ZNF804A: variants seen among roughly 807,000 people sequenced by gnomAD.
The protein encoded by ZNF804A is zinc finger protein 804A.
ZNF804A carries 2 observed loss-of-function variants against 16.5 expected under a neutral mutation model. The ratio of observed to expected loss-of-function variants is 0.12; its 90% CI spans 0.05 to 0.38. ZNF804A has a LOEUF of 0.38. ZNF804A is among the 10% of genes least tolerant of loss of function. ZNF804A has a pLI of 0.99. For synonymous variants in ZNF804A, 534 were observed against 489.6 expected, an observed-to-expected ratio of 1.09 and a Z score of -1.20; for missense variants, 1,473 against 1,390.7, an observed-to-expected ratio of 1.06 and a Z score of -0.94.
intron 1 of ZNF804A, among the ~76,000 whole-genome samples, chr2:184,657,207 T>A (rs1278807055): frequency 2.6e-5 from 4 of 152,150 alleles, no homozygotes; most frequent in African/African-American, 7.2e-5. Context: ...CACTTCAGAC[T>A]TCCTAGTAGC....
chr2:184,630,864 T>A (rs547873785), intron 1 of ZNF804A, among the ~76,000 whole-genome samples: 393 of 151,070 alleles, frequency 2.6e-3, no homozygotes, highest in African/African-American at 4.3e-3. Flanking sequence ...TCTGTCATTT[T>A]AAAAAAAAAT....
At chr2:184,599,165 T>C (rs898662411) in intron 1 of ZNF804A, 95 bp downstream of exon 1, 3 of 1,019,180 alleles carry the variant, frequency 2.9e-6, no homozygotes, top group Admixed American at 2.1e-5. Context: ...GTTTGGTTTA[T>C]AATTTACTCA....
intron 1 of ZNF804A, among the ~76,000 whole-genome samples, chr2:184,809,475 AT>A (rs1694859432): frequency 6.6e-6 from 1 of 151,854 alleles, no homozygotes; most frequent in Non-Finnish European, 1.5e-5. Flanking sequence ...TTGCATGTGT[AT>A]TTAGAAAATT....
At chr2:184,837,098 C>T (rs994089880) in intron 1 of ZNF804A, among the ~76,000 whole-genome samples, 2 of 152,048 alleles carry the variant, frequency 1.3e-5, no homozygotes, top group Non-Finnish European at 2.9e-5. Context: ...CCCTCCTGTG[C>T]TGCAATGAAT....
rs1030482673 is a variant in ZNF804A at position 184,892,175 on chromosome 2, A to G, written c.255+25663A>G. Among the ~76,000 whole-genome samples, 4 of 152,168 alleles carry G rather than the reference A, an allele frequency of 2.6e-5. No individual in the cohort carries two copies. In the East Asian group the frequency reaches 7.7e-4, roughly 29 times the overall value. ...TTCCACACTAATTTTGCTCTTTTCAATGAGATTCTATTACAAAGAATATTA... is the reference window on the plus strand; with the variant it reads ...TTCCACACTAATTTTGCTCTTTTCAGTGAGATTCTATTACAAAGAATATTA... On this transcript the variant is annotated intron_variant, in intron 2 of 3. Transcript: ENST00000302277.
chr2:184,707,990 T>C (rs1693059510), intron 1 of ZNF804A, among the ~76,000 whole-genome samples: 1 of 152,164 alleles, frequency 6.6e-6, no homozygotes, highest in African/African-American at 2.4e-5. Flanking sequence ...CTGACTGGTG[T>C]GTGATGGTAT....
intron 1 of ZNF804A, among the ~76,000 whole-genome samples, chr2:184,721,919 C>A (rs1287392636): frequency 6.6e-6 from 1 of 151,914 alleles, no homozygotes; most frequent in Non-Finnish European, 1.5e-5. Context: ...AAAATGAAAT[C>A]ATGTCATTTG....
At chr2:184,650,438 T>C (rs999267660) in intron 1 of ZNF804A, among the ~76,000 whole-genome samples, 1 of 152,070 alleles carries the variant, frequency 6.6e-6, no homozygotes, top group Admixed American at 6.6e-5. Context: ...ATATTCAGCA[T>C]GGTAGTGGAA....
intron 1 of ZNF804A, among the ~76,000 whole-genome samples, chr2:184,608,247 T>C (rs1000974681): frequency 1.3e-5 from 2 of 152,158 alleles, no homozygotes; most frequent in African/African-American, 2.4e-5. Flanking sequence ...GCCCGGCCGA[T>C]GCATCTCTTG....
intron 1 of ZNF804A, among the ~76,000 whole-genome samples, chr2:184,648,980 ATT>A (rs1691931552): frequency 6.6e-6 from 1 of 152,102 alleles, no homozygotes; most frequent in Non-Finnish European, 1.5e-5. Context: ...TGGAATATAT[ATT>A]ATTGTAATCT....
intron 1 of ZNF804A, among the ~76,000 whole-genome samples, chr2:184,808,203 T>C (rs902692769): frequency 6.6e-6 from 1 of 151,642 alleles, no homozygotes; most frequent in Non-Finnish European, 1.5e-5. Flanking sequence ...GCATGTATCA[T>C]ACACAATGTT....
intron 1 of ZNF804A, among the ~76,000 whole-genome samples, chr2:184,643,487 G>A (rs1439139363): frequency 1.3e-5 from 2 of 151,852 alleles, no homozygotes; most frequent in Admixed American, 6.6e-5. Context: ...CCCTGATATT[G>A]TCTTATTCTT....
intron 1 of ZNF804A, among the ~76,000 whole-genome samples, chr2:184,690,381 A>G (rs1692708824): frequency 6.6e-6 from 1 of 152,018 alleles, no homozygotes; most frequent in Admixed American, 6.6e-5. Context: ...CTAGTTGTCT[A>G]TCAAATCCTA....
intron 2 of ZNF804A, among the ~76,000 whole-genome samples, chr2:184,870,095 T>C (rs1044992740): frequency 6.6e-6 from 1 of 152,044 alleles, no homozygotes; most frequent in Non-Finnish European, 1.5e-5. Context: ...CTTCCCGGTG[T>C]CTAGTGAAGT....
chr2:184,654,979 G>A (rs1241143400), intron 1 of ZNF804A, among the ~76,000 whole-genome samples: 1 of 152,100 alleles, frequency 6.6e-6, no homozygotes, highest in Non-Finnish European at 1.5e-5. Flanking sequence ...TGCCACCATG[G>A]CTAGCTAACA....
chr2:184,692,160 T>C (rs969525910), intron 1 of ZNF804A, among the ~76,000 whole-genome samples: 1 of 152,196 alleles, frequency 6.6e-6, no homozygotes, highest in Non-Finnish European at 1.5e-5. Flanking sequence ...TATTAACTAG[T>C]GTGTGTGAGT....
intron 2 of ZNF804A, among the ~76,000 whole-genome samples, chr2:184,910,592 A>G (rs545028473): frequency 6.6e-6 from 1 of 152,178 alleles, no homozygotes; most frequent in East Asian, 1.9e-4. Context: ...ATTTCCACCA[A>G]CAGTGTAGAA....
At chr2:184,826,853 A>T (rs1460241023) in intron 1 of ZNF804A, among the ~76,000 whole-genome samples, 1 of 152,124 alleles carries the variant, frequency 6.6e-6, no homozygotes, top group African/African-American at 2.4e-5. Context: ...TTGAAAAATG[A>T]CAAACGGCAT....
chr2:184,711,716 C>A (rs1003715703), intron 1 of ZNF804A, among the ~76,000 whole-genome samples: 2 of 151,640 alleles, frequency 1.3e-5, no homozygotes, highest in African/African-American at 4.8e-5. Context: ...GTTTTCTCAA[C>A]ACCATTTATT....
Sources: gnomAD v4.1 joint callset for allele counts (sites outside exome capture counted in the v4.1 genomes callset) on GRCh38, gnomAD v4.1.1 for gene constraint, MANE v1.5 for transcripts, NCBI Gene and HGNC (gene_info 2026-07-23, HGNC 2026-07-21) for gene names.